ANK1: variants seen among roughly 807,000 people sequenced by gnomAD.
ANK1 encodes ankyrin-1.
In ANK1, 51 loss-of-function variants were observed where a neutral mutation model predicts 210.4. The observed-to-expected ratio is 0.24, with a 90% CI of 0.19 to 0.31. The LOEUF is 0.31. Among genes scored for constraint, ANK1 ranks in the 10% least tolerant of loss-of-function variants. The probability of loss-of-function intolerance (pLI) is 1.00; values close to 1 mark genes in which losing one functional copy is unlikely to be tolerated. For missense variants in ANK1, 2,051 were observed against 2,504.4 expected (o/e 0.82, Z 3.86); for synonymous variants, 967 against 1,025.9 (o/e 0.94, Z 1.10).
At chr8:41,744,097 T>C (rs141915936) in intron 2 of ANK1, among the ~76,000 whole-genome samples, 1 of 152,262 alleles carries the variant, frequency 6.6e-6, no homozygotes, top group Non-Finnish European at 1.5e-5. Flanking sequence ...AGCCAACTGA[T>C]GGGAAGGACT....
At position 41,690,531 on chromosome 8, in the gene ANK1, C is replaced by G. The variant is rs1387864693; in HGVS notation, c.3927G>C (p.Gln1309His). Residue 1309 changes from glutamine (Q) to histidine (H), a missense_variant, in exon 32 of 43, where the codon CAG becomes CAC. By Grantham distance (24) the Gln-to-His change is conservative. Around this residue, in one of 6 missense-constraint regions of ANK1, gnomAD observed 1,413 missense variants for 1,707.4 expected, o/e 0.83. Coordinates refer to ENST00000289734, the MANE Select transcript of ANK1 (RefSeq NM_000037.4). ...ATGACTGGAAGTGGAAGCTCCGCTG[C>G]TGGGCAGCTTTCTTCACAGGCACCA... ...GNLVPVKKAA[Q>H]QRSFHFQSFR... is the part of the protein sequence containing the mutation. 1.9e-6 allele frequency: 3 copies of G among 1,614,162 alleles called. No individual in the cohort carries two copies. Among genetic ancestry groups the G allele is most frequent in the Non-Finnish European group, 2.5e-6 (3 of 1,179,998 alleles).
chr8:41,783,199 G>A (rs771729835), intron 1 of ANK1, among the ~76,000 whole-genome samples: 1 of 152,222 alleles, frequency 6.6e-6, no homozygotes, highest in Non-Finnish European at 1.5e-5. Flanking sequence ...TGGTAATCCA[G>A]TCATTGAAGG....
chr8:41,697,630 C>T (rs1002751470), intron 24 of ANK1: 3 of 342,246 alleles, frequency 8.8e-6, no homozygotes, highest in East Asian at 7.4e-5. Context: ...CTGGTTGGGC[C>T]CCGGCTCCCA....
intron 9 of ANK1, among the ~76,000 whole-genome samples, chr8:41,722,781 A>G (rs921216466): frequency 6.6e-6 from 1 of 152,158 alleles, no homozygotes; most frequent in African/African-American, 2.4e-5. Context: ...AGTGTTTGTC[A>G]ATAACGTTTT....
intron 22 of ANK1, among the ~76,000 whole-genome samples, chr8:41,701,070 G>C (rs932114068): frequency 6.6e-6 from 1 of 152,202 alleles, no homozygotes; most frequent in African/African-American, 2.4e-5. Context: ...CACCCAGCCA[G>C]ACTATAGTAA....
At chr8:41,725,694 G>A in intron 6 of ANK1, 67 bp downstream of exon 6, 3 of 1,557,522 alleles carry the variant, frequency 1.9e-6, no homozygotes, top group Non-Finnish European at 1.7e-6. Context: ...GTCGCTGGGC[G>A]TGCGCGGTGC....
intron 1 of ANK1, among the ~76,000 whole-genome samples, chr8:41,846,831 G>C (rs1587391049): frequency 6.6e-6 from 1 of 152,230 alleles, no homozygotes; most frequent in African/African-American, 2.4e-5. Flanking sequence ...TCTGCAGCCA[G>C]GCCCTCCTCA....
At chr8:41,855,854 A>G (rs972401711) in intron 1 of ANK1, among the ~76,000 whole-genome samples, 6 of 151,786 alleles carry the variant, frequency 4.0e-5, no homozygotes, top group African/African-American at 1.5e-4. Flanking sequence ...GCTCCCTACC[A>G]TCCAGTTCTG....
At chr8:41,725,732 C>T in intron 6 of ANK1, 29 bp downstream of exon 6, 1 of 1,599,090 alleles carries the variant, frequency 6.3e-7, no homozygotes. Context: ...GTCCGCGGCC[C>T]AAGGCTCCTC....
chr8:41,703,422 G>GTATATATATATATATATATATATATATA (rs57077078), intron 20 of ANK1, among the ~76,000 whole-genome samples: 1 of 53,762 alleles, frequency 1.9e-5, no homozygotes, highest in Non-Finnish European at 3.5e-5. Flanking sequence ...GTGTGTGTGT[G>GTATATATATATATATATATATATATATA]TATATATATA....
At chr8:41,664,871 G>A (rs202112139) in intron 39 of ANK1, 114 of 1,613,768 alleles carry the variant, frequency 7.1e-5, no homozygotes, top group East Asian at 6.7e-4. Flanking sequence ...TGAGGCCCTC[G>A]CTCTCCCCCA....
intron 1 of ANK1, among the ~76,000 whole-genome samples, chr8:41,807,101 G>C (rs1356347889): frequency 6.6e-6 from 1 of 151,914 alleles, no homozygotes; most frequent in Non-Finnish European, 1.5e-5. Flanking sequence ...CATCTTTCTC[G>C]TAATATTTAC....
chr8:41,769,959 C>CTTTTT, intron 1 of ANK1, among the ~76,000 whole-genome samples: 1 of 115,074 alleles, frequency 8.7e-6, no homozygotes, highest in African/African-American at 3.3e-5. Flanking sequence ...TATATATCTT[C>CTTTTT]TTTTTTTTTT....
intron 1 of ANK1, among the ~76,000 whole-genome samples, chr8:41,778,075 A>G (rs1844484859): frequency 6.6e-6 from 1 of 152,220 alleles, no homozygotes; most frequent in Non-Finnish European, 1.5e-5. Flanking sequence ...CTAGATAGAT[A>G]GGCTTTTTCC....
intron 5 of ANK1, 137 bp from the exon 6 acceptor site, chr8:41,726,083 C>T: frequency 1.3e-5 from 13 of 986,958 alleles, no homozygotes; most frequent in Non-Finnish European, 2.0e-5. Flanking sequence ...AAGCCCTCTT[C>T]ATCCGCCAAG....
At chr8:41,769,653 C>T (rs986331548) in intron 1 of ANK1, among the ~76,000 whole-genome samples, 3 of 152,198 alleles carry the variant, frequency 2.0e-5, no homozygotes, top group Admixed American at 2.0e-4. Flanking sequence ...ACGAGTTGCA[C>T]ATTTAAAATG....
chr8:41,674,676 CA>C (rs1813597495), intron 37 of ANK1, among the ~76,000 whole-genome samples: 1 of 152,202 alleles, frequency 6.6e-6, no homozygotes, highest in Non-Finnish European at 1.5e-5. Flanking sequence ...GTGTACTCCG[CA>C]TGCATTCTCT....
intron 1 of ANK1, among the ~76,000 whole-genome samples, chr8:41,764,497 C>T (rs1011191183): frequency 5.3e-5 from 8 of 152,312 alleles, no homozygotes; most frequent in Middle Eastern, 3.4e-3. Context: ...TATGACAAAC[C>T]GGAGCAGAAT....
intron 42 of ANK1, 69 bp downstream of exon 42, chr8:41,661,361 G>T (rs998484088): frequency 1.3e-6 from 2 of 1,592,200 alleles, no homozygotes; most frequent in African/African-American, 2.7e-5. Flanking sequence ...GAGGGGATAG[G>T]GTGAGACAGG....
Sources: allele counts gnomAD v4.1 joint callset (sites outside exome capture counted in the v4.1 genomes callset), GRCh38; gene constraint gnomAD v4.1.1; regional missense constraint gnomAD v4.1.1; transcripts MANE v1.5; gene names NCBI Gene and HGNC (gene_info 2026-07-23, HGNC 2026-07-21).